The following FAP variants were observed in gnomAD, a reference collection of about 807,000 sequenced individuals.
The protein encoded by FAP is fibroblast activation protein alpha.
Under a neutral mutation model 126.5 loss-of-function variants are expected in FAP, and 110 were observed. The ratio of observed to expected loss-of-function variants is 0.87; its 90% CI spans 0.74 to 1.02. The LOEUF (loss-of-function observed/expected upper bound fraction) is 1.02, where lower values mean the gene tolerates loss of function less well. Among genes scored for constraint, FAP ranks in the 50% least tolerant of loss-of-function variants. The probability of loss-of-function intolerance (pLI) is 0.00; values close to 1 mark genes in which losing one functional copy is unlikely to be tolerated. For missense variants in FAP, 919 were observed against 909.2 expected (o/e 1.01, Z -0.14); for synonymous variants, 334 against 297.3 (o/e 1.12, Z -1.27).
Position 162,219,928 on chromosome 2 carries a change from A to G in FAP, c.414-3T>C. ...GCTCATTTCCTCTTACAAATTCTCT[A>G]GAAGGAAAGAAAGAAAGAAAAACAA... On this transcript the variant is annotated splice_region_variant and splice_polypyrimidine_tract_variant and intron_variant, in intron 6 of 25. Transcript: ENST00000188790. 14 of 1,604,240 alleles carry G rather than the reference A, an allele frequency of 8.7e-6. No individual in the cohort carries two copies. Among genetic ancestry groups the G allele is most frequent in the Non-Finnish European group, 1.2e-5 (14 of 1,171,746 alleles).
chr2:162,193,554 T>C (rs1165030010), intron 17 of FAP: 1 of 152,128 alleles, frequency 6.6e-6, no homozygotes, highest in Admixed American at 6.5e-5. Context: ...AGATGAGAAT[T>C]ATATGCTAAT....
At chr2:162,238,992 T>C (rs75587892) in intron 2 of FAP, among the ~76,000 whole-genome samples, 1 of 152,176 alleles carries the variant, frequency 6.6e-6, no homozygotes, top group African/African-American at 2.4e-5. Context: ...AGCTAAATAA[T>C]CACTACATAT....
At chr2:162,200,934 G>A (rs772296755) in intron 14 of FAP, among the ~76,000 whole-genome samples, 1 of 152,116 alleles carries the variant, frequency 6.6e-6, no homozygotes, top group Non-Finnish European at 1.5e-5. Context: ...ATTAAGAACA[G>A]TTTACCTGTT....
At chr2:162,241,604 A>T (rs1690349887) in intron 2 of FAP, among the ~76,000 whole-genome samples, 1 of 152,112 alleles carries the variant, frequency 6.6e-6, no homozygotes, top group Non-Finnish European at 1.5e-5. Flanking sequence ...AAAAATCAGG[A>T]GCTAATTTTT....
rs147557505 is a variant in FAP at position 162,234,977 on chromosome 2, G to T, written c.91+7931C>A. The stretch of plus-strand genomic sequence containing the variant: ...AGCGGCCCGGGCAGTGAGGGACTTA[G>T]CACCCAGGCCAGCAGCTGCGGAGGG... On this transcript the variant is annotated intron_variant, in intron 2 of 25. Coordinates refer to ENST00000188790, the MANE Select transcript of FAP (RefSeq NM_004460.5). Among the ~76,000 whole-genome samples the T allele has an allele frequency of 2.4e-3, 372 of 152,264 alleles. 2 individuals are homozygous for T. Among genetic ancestry groups the T allele is most frequent in the Non-Finnish European group, 4.2e-3 (287 of 67,998 alleles).
chr2:162,218,029 C>A lies in FAP; in HGVS notation c.719G>T (p.Gly240Val). 6.2e-7 allele frequency: 1 copy of A among 1,602,922 alleles called. No homozygotes were observed. The highest frequency in any genetic ancestry group is 1.3e-5 in the African/African-American group (1 of 74,432). The change falls in exon 9 of 26, where the codon GGC becomes GTC. Residue 240 changes from glycine (G) to valine (V), a missense_variant. Transcript: ENST00000188790. ...DIPVIAYSYY[G>V]DEQYPRTINI... ...TATTGTTCTAGGATATTGTTCATCG[C>A]CATAATAGGAATAGGCAATAACTGG... is the stretch of plus-strand genomic sequence containing the variant.
At position 162,215,880 on chromosome 2, in the gene FAP, G is replaced by A. The variant is rs746798934; in HGVS notation, c.866+18C>T. On this transcript the variant is annotated intron_variant, in intron 10 of 25. Transcript: ENST00000188790. ...AGAATATAGGATAGAAAGATGGGAGGGATCTGAGATGAACTACCTTGAGGC... is the reference window on the plus strand; with the variant it reads ...AGAATATAGGATAGAAAGATGGGAGAGATCTGAGATGAACTACCTTGAGGC... 1.9e-6 allele frequency: 3 copies of A among 1,553,612 alleles called. No homozygotes were observed. Among genetic ancestry groups the A allele is most frequent in the East Asian group, 2.2e-5 (1 of 44,586 alleles).
intron 16 of FAP, 23 bp downstream of exon 16, chr2:162,198,734 C>A: frequency 6.2e-7 from 1 of 1,613,548 alleles, no homozygotes; most frequent in Non-Finnish European, 8.5e-7. Flanking sequence ...GGATGCTGTG[C>A]TTATGTGAGG....
At chr2:162,221,763 A>C in intron 6 of FAP, 1 of 456,584 alleles carries the variant, frequency 2.2e-6, no homozygotes, top group Non-Finnish European at 4.4e-6. Flanking sequence ...AGGATGCTTT[A>C]CAAAGGCGTT....
At chr2:162,184,195 A>T (rs1687786790) in intron 20 of FAP, among the ~76,000 whole-genome samples, 1 of 152,154 alleles carries the variant, frequency 6.6e-6, no homozygotes, top group African/African-American at 2.4e-5. Context: ...ATTGTGATTT[A>T]TCTGGGGATT....
At chr2:162,191,204 C>T (rs1688028544) in intron 17 of FAP, among the ~76,000 whole-genome samples, 1 of 152,204 alleles carries the variant, frequency 6.6e-6, no homozygotes, top group South Asian at 2.1e-4. Context: ...GAGACAGTAT[C>T]CGGGTGTTGT....
At position 162,200,474 on chromosome 2, in the gene FAP, C is replaced by T. The variant is rs895938017; in HGVS notation, c.1277+92G>A. 10 of 705,016 alleles carry T rather than the reference C, an allele frequency of 1.4e-5. No homozygotes were observed. In the African/African-American group the frequency reaches 1.7e-4, roughly 12 times the overall value. 43.7% of individuals were successfully genotyped at this position (705,016 alleles called of 1,614,324 possible). A position where few individuals can be genotyped will look rare whatever the true frequency, so the allele number is the denominator to read the frequency against. Reference sequence around the variant, plus strand: ...TAAATGATTTTTATTATGTGCCATACTTTAAAAATATTTTGCATCTCCTGG... The same window carrying T: ...TAAATGATTTTTATTATGTGCCATATTTTAAAAATATTTTGCATCTCCTGG... On this transcript the variant is annotated intron_variant, in intron 15 of 25. Coordinates refer to ENST00000188790, the MANE Select transcript of FAP (RefSeq NM_004460.5).
At position 162,189,834 on chromosome 2, in the gene FAP, A is replaced by G. The variant is rs548331190; in HGVS notation, c.1451-80T>C. On this transcript the variant is annotated intron_variant, in intron 17 of 25. Coordinates refer to ENST00000188790, the MANE Select transcript of FAP (RefSeq NM_004460.5). The stretch of plus-strand genomic sequence containing the variant: ...TTTCCTTAAAATTCCTTTGACTTCA[A>G]TATGGGTGAAACTGAAACTGTGAAA... 6.3e-4 allele frequency: 468 copies of G among 738,784 alleles called. 1 individual carries two copies. In the African/African-American group the frequency reaches 7.6e-3, roughly 12 times the overall value. 45.8% of individuals were successfully genotyped at this position (738,784 alleles called of 1,614,324 possible).
intron 20 of FAP, 115 bp downstream of exon 20, chr2:162,188,054 A>G: frequency 1.2e-6 from 1 of 857,032 alleles, no homozygotes; most frequent in Non-Finnish European, 1.8e-6. Flanking sequence ...ATAGTTTTAG[A>G]CCAAGTTAGA....
At chr2:162,183,695 T>TA (rs1365050943) in intron 20 of FAP, 2 of 432,580 alleles carry the variant, frequency 4.6e-6, no homozygotes, top group Non-Finnish European at 8.2e-6. Context: ...TATTGACTGG[T>TA]AATGTCAGAG....
intron 12 of FAP, among the ~76,000 whole-genome samples, chr2:162,203,427 T>C (rs928133552): frequency 1.3e-5 from 2 of 152,218 alleles, no homozygotes; most frequent in East Asian, 1.9e-4. Context: ...TCGAAGGTTA[T>C]GTGGTTTGAA....
At chr2:162,185,883 T>A (rs907891454) in intron 20 of FAP, among the ~76,000 whole-genome samples, 1 of 152,162 alleles carries the variant, frequency 6.6e-6, no homozygotes, top group Non-Finnish European at 1.5e-5. Flanking sequence ...AGGATTATTA[T>A]TCTGAGTCTA....
intron 18 of FAP, 35 bp from the exon 19 acceptor site, chr2:162,189,207 C>T: frequency 7.7e-7 from 1 of 1,303,956 alleles, no homozygotes; most frequent in South Asian, 1.3e-5. Flanking sequence ...AATCTTCATT[C>T]CACAGCACTA....
At position 162,242,988 on chromosome 2, in the gene FAP, C is replaced by T. The variant is rs1576209309; in HGVS notation, c.11G>A (p.Trp4Ter). Residue 4 changes from tryptophan (W) to a stop codon, truncating the protein, a stop_gained, in exon 2 of 26, where the codon TGG becomes TAG. Transcript: ENST00000188790. LOFTEE classifies it high-confidence loss of function. MKT[W>*]VKIVFGVATS... is the part of the protein sequence containing the mutation. Reference sequence around the variant, plus strand: ...GGCAACTCCAAATACGATTTTTACCCAAGTCTACATAAAATAAAGAGAATT... The same window carrying T: ...GGCAACTCCAAATACGATTTTTACCTAAGTCTACATAAAATAAAGAGAATT... 1 of 1,610,924 alleles carries T rather than the reference C, an allele frequency of 6.2e-7. No homozygotes were observed.
Sources: gnomAD v4.1 joint callset for allele counts (sites outside exome capture counted in the v4.1 genomes callset) on GRCh38, gnomAD v4.1.1 for gene constraint, MANE v1.5 for transcripts, NCBI Gene and HGNC (gene_info 2026-07-23, HGNC 2026-07-21) for gene names.